Variants in KIF20B observed in about 807,000 individuals in gnomAD.
KIF20B encodes kinesin family member 20B, also known as kinesin-like protein KIF20B.
Under a neutral mutation model 232.5 loss-of-function variants are expected in KIF20B, and 188 were observed. The ratio of observed to expected loss-of-function variants is 0.81; its 90% CI spans 0.72 to 0.91. The LOEUF (loss-of-function observed/expected upper bound fraction) is 0.91. Among genes scored for constraint, KIF20B ranks in the 40% least tolerant of loss-of-function variants. The probability of loss-of-function intolerance (pLI) is 0.00; values close to 1 mark genes in which losing one functional copy is unlikely to be tolerated. For missense variants in KIF20B, 2,154 were observed against 2,055.9 expected (o/e 1.05, Z -0.92); for synonymous variants, 712 against 683.0 (o/e 1.04, Z -0.66).
rs8181361 is a variant in KIF20B, at chr10:89,725,023, G to A, written c.1866G>A (p.Glu622=). The A allele has an allele frequency of 0.26, 420,192 of 1,610,114 alleles. 59,385 individuals carry two copies. Among genetic ancestry groups the A allele is most frequent in the African/African-American group, 0.47 (35,510 of 74,776 alleles). The stretch of plus-strand genomic sequence containing the variant: ...GGGATTAATTTGTATTTTGAAGGGA[G>A]ACTCTGCTTCAAGAACGAGAGATAT... ...YWAQREADFK[E]TLLQEREILE... The change falls in exon 15 of 33, where the codon GAG becomes GAA. Residue 622 remains glutamate, a synonymous_variant. Coordinates refer to ENST00000371728, the MANE Select transcript of KIF20B (RefSeq NM_001284259.2).
intron 19 of KIF20B, among the ~76,000 whole-genome samples, chr10:89,735,535 C>CT (rs397947713): frequency 0.039 from 4,220 of 108,054 alleles, 307 homozygotes; most frequent in South Asian, 0.15. Context: ...TAGTAAGTGT[C>CT]TTTTTTTTTT....
chr10:89,763,927 G>C (rs953797712), intron 29 of KIF20B, among the ~76,000 whole-genome samples: 2 of 147,906 alleles, frequency 1.4e-5, no homozygotes, highest in African/African-American at 5.0e-5. Flanking sequence ...TTAAGTTTTA[G>C]GGTACATGTG....
Position 89,724,026 on chromosome 10 carries a change from A to G in KIF20B, c.1785A>G (p.Leu595=), listed in dbSNP as rs775126321. ...KKLINEKKEK[L]TLEFKIREEV... ...TGATAAATGAAAAAAAGGAAAAATT[A>G]ACCTTGGAATTTAAAATTCGAGAAG... The change falls in exon 14 of 33, where the codon TTA becomes TTG. Residue 595 remains leucine, a synonymous_variant. Transcript: ENST00000371728. 3 of 1,588,870 alleles carry G rather than the reference A, an allele frequency of 1.9e-6. No individual in the cohort carries two copies. In the Admixed American group the frequency reaches 5.4e-5, roughly 29 times the overall value.
chr10:89,729,044 A>G, intron 17 of KIF20B, 84 bp from the exon 18 acceptor site: 1 of 1,161,468 alleles, frequency 8.6e-7, no homozygotes, highest in Non-Finnish European at 1.1e-6. Flanking sequence ...AGGAATTATA[A>G]AACTGTTTGC....
At position 89,711,050 on chromosome 10, in the gene KIF20B, A is replaced by G. The variant is rs1374837078; in HGVS notation, c.580A>G (p.Lys194Glu). Reference sequence around the variant, plus strand: ...AAGACTGTATACAAAGATGAACCTTAAACCACATAGATCCAGAGAATACTT... The same window carrying G: ...AAGACTGTATACAAAGATGAACCTTGAACCACATAGATCCAGAGAATACTT... ...QERLYTKMNL[K>E]PHRSREYLRL... is the part of the protein sequence containing the mutation. Residue 194 changes from lysine (K) to glutamate (E), a missense_variant, in exon 6 of 33, where the codon AAA becomes GAA. Physicochemically the swap from Lys to Glu is moderately conservative, Grantham distance 56 (BLOSUM62 1). Coordinates refer to ENST00000371728, the MANE Select transcript of KIF20B (RefSeq NM_001284259.2). The G allele has an allele frequency of 6.2e-7, 1 of 1,609,284 alleles. No individual in the cohort carries two copies. Among genetic ancestry groups the G allele is most frequent in the Non-Finnish European group, 8.5e-7 (1 of 1,177,146 alleles).
At chr10:89,715,250 G>A in intron 8 of KIF20B, 68 bp downstream of exon 8, 1 of 937,494 alleles carries the variant, frequency 1.1e-6, no homozygotes, top group East Asian at 2.6e-5. Context: ...ATAGCTGTAA[G>A]ACTAAAACAA....
chr10:89,722,273 G>A (rs1362807638), intron 13 of KIF20B, among the ~76,000 whole-genome samples: 4 of 152,190 alleles, frequency 2.6e-5, no homozygotes, highest in African/African-American at 7.2e-5. Flanking sequence ...CTTGGTATTA[G>A]CATACATATA....
rs1323971498 is a variant in KIF20B, at chr10:89,709,179, G to A, written c.160G>A (p.Glu54Lys). ...TTTATTTTTTAAGGCAAACAGTTTC[G>A]AATCTAAAGATTATCTCCAGGTTTG... is the stretch of plus-strand genomic sequence containing the variant. ...VAPNTEANSFESKDYLQVCLR... is the reference protein window; with the variant it reads ...VAPNTEANSFKSKDYLQVCLR... The change falls in exon 3 of 33, where the codon GAA (glutamate) becomes AAA (lysine). Residue 54 changes from glutamate to lysine, a missense_variant. Transcript: ENST00000371728. 22 of 1,605,006 alleles carry A rather than the reference G, an allele frequency of 1.4e-5. No homozygotes were observed. The highest frequency in any genetic ancestry group is 1.7e-5 in the Non-Finnish European group (20 of 1,174,060).
chr10:89,724,071 T>A lies in KIF20B; in HGVS notation c.1830T>A (p.Thr610=). 1 of 1,565,460 alleles carries A rather than the reference T, an allele frequency of 6.4e-7. No individual in the cohort carries two copies. The highest frequency in any genetic ancestry group is 8.6e-7 in the Non-Finnish European group (1 of 1,161,770). The change falls in exon 14 of 33, where the codon ACT becomes ACA. Residue 610 remains threonine (T), a synonymous_variant. Coordinates refer to ENST00000371728, the MANE Select transcript of KIF20B (RefSeq NM_001284259.2). ...KIREEVTQEF[T]QYWAQREADF... is the part of the protein sequence containing the mutation. ...GAGAAGAAGTTACACAGGAGTTTACTCAGTATTGGGCTCAACGGGAAGCTG... is the reference window on the plus strand; with the variant it reads ...GAGAAGAAGTTACACAGGAGTTTACACAGTATTGGGCTCAACGGGAAGCTG...
chr10:89,762,659 T>C lies in KIF20B; in HGVS notation c.4813T>C (p.Ser1605Pro). ...GTAGGATGGATCTGTAGTCCTTGACTCTTGTGAAGTGTCAACAGAAAATGA... is the reference window on the plus strand; with the variant it reads ...GTAGGATGGATCTGTAGTCCTTGACCCTTGTGAAGTGTCAACAGAAAATGA... ...KIEDGSVVLD[S>P]CEVSTENDQS... Residue 1605 changes from serine to proline, a missense_variant, in exon 29 of 33, where the codon TCT becomes CCT. Ser to Pro is a moderately conservative substitution (Grantham distance 74). Transcript: ENST00000371728. 5.0e-6 allele frequency: 8 copies of C among 1,612,928 alleles called. No homozygotes were observed. In the Middle Eastern group the frequency reaches 5.0e-4, roughly 100 times the overall value.
chr10:89,728,006 T>C, intron 17 of KIF20B, 110 bp downstream of exon 17: 1 of 933,772 alleles, frequency 1.1e-6, no homozygotes, highest in Non-Finnish European at 1.5e-6. Context: ...TAATATAGTC[T>C]CTTGGTATGC....
Position 89,758,191 on chromosome 10 carries a change from A to G in KIF20B, c.4504-515A>G, listed in dbSNP as rs532966526. ...CTCTCTAGATCTATTTGGAGGAGAC[A>G]TCTTAACAATATTGAGTATTTTGAT... On this transcript the variant is annotated intron_variant, in intron 26 of 32. Coordinates refer to ENST00000371728, the MANE Select transcript of KIF20B (RefSeq NM_001284259.2). Among the ~76,000 whole-genome samples the G allele has an allele frequency of 3.9e-5, 6 of 152,132 alleles. No individual in the cohort carries two copies. The East Asian group carries it at 9.6e-4, about 24-fold the overall frequency.
chr10:89,710,899 CAAGT>C (rs1564657350), intron 5 of KIF20B, 58 bp from the exon 6 acceptor site: 6 of 1,357,258 alleles, frequency 4.4e-6, no homozygotes, highest in Non-Finnish European at 5.1e-6. Flanking sequence ...CTTTAATAAA[CAAGT>C]AAAGTTTCCT....
In KIF20B at chr10:89,709,477, T is replaced by G; in HGVS notation, c.351+16T>G. 6.6e-7 allele frequency: 1 copy of G among 1,514,584 alleles called. No homozygotes were observed. The highest frequency in any genetic ancestry group is 9.2e-7 in the Non-Finnish European group (1 of 1,092,324). The allele number at this position is 1,514,584 out of a possible 1,614,324, so 93.8% of individuals were successfully genotyped here. ...TTTTTCCAAGGTAAAACTGAAGTGT[T>G]TTTGTTTTTTGTTTTAAAGATAAAG... On this transcript the variant is annotated intron_variant, in intron 4 of 32. Transcript: ENST00000371728.
At chr10:89,763,285 A>G (rs1364108281) in intron 29 of KIF20B, among the ~76,000 whole-genome samples, 1 of 152,202 alleles carries the variant, frequency 6.6e-6, no homozygotes, top group Non-Finnish European at 1.5e-5. Context: ...TCTCAGAAAA[A>G]TAAAGAATAT....
chr10:89,753,269 C>T (rs915827784), intron 25 of KIF20B, among the ~76,000 whole-genome samples: 1 of 152,016 alleles, frequency 6.6e-6, no homozygotes, highest in Non-Finnish European at 1.5e-5. Context: ...GCATTCATAA[C>T]AGAAGCTGTA....
At chr10:89,757,069 T>TATATATAC (rs138088478) in intron 26 of KIF20B, among the ~76,000 whole-genome samples, 20 of 134,378 alleles carry the variant, frequency 1.5e-4, no homozygotes, top group East Asian at 5.9e-4. Flanking sequence ...TATATATATA[T>TATATATAC]ACACACATGA....
At chr10:89,757,508 T>C (rs1366085669) in intron 26 of KIF20B, among the ~76,000 whole-genome samples, 5 of 152,046 alleles carry the variant, frequency 3.3e-5, no homozygotes, top group African/African-American at 4.8e-5. Context: ...ATTACAATTA[T>C]TGTAGATAAT....
chr10:89,710,215 GT>G (rs10672232), intron 5 of KIF20B, 150 bp downstream of exon 5: 58,332 of 282,128 alleles, frequency 0.21, 2,224 homozygotes, highest in Non-Finnish European at 0.24. Context: ...ACGTATTGCT[GT>G]TTTTTTTTTT....
Sources: gnomAD v4.1 joint callset for allele counts (sites outside exome capture counted in the v4.1 genomes callset) on GRCh38, gnomAD v4.1.1 for gene constraint, MANE v1.5 for transcripts, NCBI Gene and HGNC (gene_info 2026-07-23, HGNC 2026-07-21) for gene names.